The following TLN1 variants were observed in gnomAD, a reference collection of about 807,000 sequenced individuals.
The protein encoded by TLN1 is talin-1.
In TLN1, 56 loss-of-function variants were observed where a neutral mutation model predicts 292.3. The observed-to-expected ratio is 0.19, with a 90% CI of 0.15 to 0.24. The LOEUF (loss-of-function observed/expected upper bound fraction) is 0.24. Ranked by LOEUF, TLN1 falls within the 10% of genes least tolerant of loss-of-function variation. The probability of loss-of-function intolerance (pLI) is 1.00; values close to 1 mark genes in which losing one functional copy is unlikely to be tolerated. For missense variants in TLN1, 2,433 were observed against 3,248.2 expected (o/e 0.75, Z 6.10); for synonymous variants, 1,119 against 1,253.7 (o/e 0.89, Z 2.27).
chr9:35,718,965 G>A, intron 16 of TLN1, 55 bp from the exon 17 acceptor site: 6 of 1,600,650 alleles, frequency 3.7e-6, no homozygotes, highest in South Asian at 2.2e-5. Context: ...ACATGCCTGT[G>A]CATATCACAG....
rs774386924 is a variant in TLN1, at chr9:35,707,917, C to T, written c.4471-25G>A. ...CCTGAGGAGACACATGGAAGAGCCACGATGAGGGCAGGAAGGAGGTGTACA... is the reference window on the plus strand; with the variant it reads ...CCTGAGGAGACACATGGAAGAGCCATGATGAGGGCAGGAAGGAGGTGTACA... On this transcript the variant is annotated intron_variant, in intron 34 of 56. Transcript: ENST00000314888. This position sits in a 1 kb window ranked among gnomAD's most constrained non-coding sequence, Gnocchi z 5.6. 4.0e-5 allele frequency: 64 copies of T among 1,611,044 alleles called. No homozygotes were observed. The highest frequency in any genetic ancestry group is 4.8e-5 in the Non-Finnish European group (57 of 1,178,096).
In TLN1 at chr9:35,719,241, C is replaced by A; in HGVS notation, c.1729G>T (p.Val577Phe). The A allele has an allele frequency of 6.2e-7, 1 of 1,614,218 alleles. No homozygotes were observed. The highest frequency in any genetic ancestry group is 8.5e-7 in the Non-Finnish European group (1 of 1,180,028). ...GTCAGGTTGGAGGAGATTGTGGTGACTGCACAGCCCACTGCGGTATAGTCT... is the reference window on the plus strand; with the variant it reads ...GTCAGGTTGGAGGAGATTGTGGTGAATGCACAGCCCACTGCGGTATAGTCT... ...ETDYTAVGCAVTTISSNLTEM... is the reference protein window; with the variant it reads ...ETDYTAVGCAFTTISSNLTEM... The change falls in exon 16 of 57, where the codon GTC becomes TTC. Residue 577 changes from valine to phenylalanine, a missense_variant. Around this residue, in one of 7 missense-constraint regions of TLN1, gnomAD observed 617 missense variants for 770.6 expected, o/e 0.80. Transcript: ENST00000314888. This position sits in a 1 kb window ranked among gnomAD's most constrained non-coding sequence, Gnocchi z 4.6.
intron 33 of TLN1, among the ~76,000 whole-genome samples, chr9:35,709,055 C>T (rs981104277): frequency 3.3e-5 from 5 of 152,178 alleles, no homozygotes; most frequent in African/African-American, 1.2e-4. Context: ...TTTGCTTTTT[C>T]CTCTATGCAT....
intron 8 of TLN1, 62 bp downstream of exon 8, chr9:35,722,799 C>T: frequency 6.4e-7 from 1 of 1,562,770 alleles, no homozygotes; most frequent in Non-Finnish European, 8.8e-7. Context: ...GCCATTTAGT[C>T]AGTAAGATTA....
chr9:35,721,830 T>C (rs1825883533), intron 9 of TLN1, 27 bp from the exon 10 acceptor site: 1 of 1,603,062 alleles, frequency 6.2e-7, no homozygotes, highest in African/African-American at 1.3e-5. Flanking sequence ...GGTGTTGGTG[T>C]TACAGGTCAG....
intron 28 of TLN1, 40 bp downstream of exon 28, chr9:35,711,965 T>G: frequency 6.2e-7 from 1 of 1,608,432 alleles, no homozygotes. Flanking sequence ...CCTGGCATTC[T>G]TTGACTCCTA....
At position 35,724,691 on chromosome 9, in the gene TLN1, C is replaced by T; in HGVS notation, c.392G>A (p.Arg131Gln). ...CTCCTTTTTCTCTTCCATCAGCTCT[C>T]GAACCAATGAATATTCATCATGATT... ...ITNHDEYSLV[R>Q]ELMEEKKEEI... The change falls in exon 5 of 57, where the codon CGA becomes CAA. Residue 131 changes from arginine (R) to glutamine (Q), a missense_variant. Physicochemically the swap from Arg to Gln is conservative, Grantham distance 43 (BLOSUM62 1). Around this residue, in one of 7 missense-constraint regions of TLN1, gnomAD observed 155 missense variants for 287.9 expected, o/e 0.54. Transcript: ENST00000314888. This position sits in a 1 kb window ranked among gnomAD's most constrained non-coding sequence, Gnocchi z 4.7. 7 of 1,614,170 alleles carry T rather than the reference C, an allele frequency of 4.3e-6. No homozygotes were observed. The highest frequency in any genetic ancestry group is 5.9e-6 in the Non-Finnish European group (7 of 1,180,048).
At chr9:35,721,431 G>A (rs1053249813) in intron 10 of TLN1, among the ~76,000 whole-genome samples, 2 of 152,180 alleles carry the variant, frequency 1.3e-5, no homozygotes, top group Non-Finnish European at 2.9e-5. Context: ...TCAGCTTGCT[G>A]ATGAGATTTT....
chr9:35,723,026 A>C (rs1277560624), intron 7 of TLN1, 105 bp from the exon 8 acceptor site: 2 of 934,042 alleles, frequency 2.1e-6, no homozygotes, highest in Non-Finnish European at 3.4e-6. Context: ...GGACAGTGTT[A>C]TCTTTGGGGA....
intron 1 of TLN1, among the ~76,000 whole-genome samples, chr9:35,729,346 C>T (rs1374814876): frequency 2.6e-5 from 4 of 152,154 alleles, no homozygotes; most frequent in African/African-American, 4.8e-5. Flanking sequence ...AGCAGTAAAT[C>T]GTGGAGGAGC....
At chr9:35,709,911 A>AAAG (rs1825632666) in intron 33 of TLN1, among the ~76,000 whole-genome samples, 1 of 134,794 alleles carries the variant, frequency 7.4e-6, no homozygotes, top group African/African-American at 2.8e-5. Context: ...AAAAAAAAAA[A>AAAG]AAAGAAAGTA....
intron 33 of TLN1, among the ~76,000 whole-genome samples, chr9:35,710,064 A>T (rs1315361482): frequency 1.4e-5 from 2 of 144,774 alleles, no homozygotes; most frequent in South Asian, 2.2e-4. Context: ...AAAAAAAAAA[A>T]TACAAAAAAT....
chr9:35,700,222 C>T lies in TLN1; in HGVS notation c.6629G>A (p.Arg2210His), dbSNP rs369648672. Residue 2210 changes from arginine to histidine, a missense_variant, in exon 49 of 57, where the codon CGT (arginine) becomes CAT (histidine). Around this residue, in one of 7 missense-constraint regions of TLN1, gnomAD observed 1,384 missense variants for 1,699.6 expected, o/e 0.81. Transcript: ENST00000314888. ...AGCCCGAAGCATATCTGCAATAGCACGGCGGCTCAGATTGGCTGTGGCAAT... is the reference window on the plus strand; with the variant it reads ...AGCCCGAAGCATATCTGCAATAGCATGGCGGCTCAGATTGGCTGTGGCAAT... ...DVIATANLSR[R>H]AIADMLRACK... 24 of 1,610,772 alleles carry T rather than the reference C, an allele frequency of 1.5e-5. No homozygotes were observed. The highest frequency in any genetic ancestry group is 5.5e-5 in the South Asian group (5 of 91,030).
chr9:35,716,769 G>A (rs1043599450), intron 19 of TLN1, among the ~76,000 whole-genome samples: 9 of 152,268 alleles, frequency 5.9e-5, no homozygotes, highest in Admixed American at 2.6e-4. Context: ...GGGTTCTTAC[G>A]GGAGAAGGAC....
Position 35,697,758 on chromosome 9 carries a change from G to A in TLN1, c.*33C>T. ...TTTGGTAGTGGCACGCACAGTCTCT[G>A]GGCCGGGTCTGCATTAAATAGAAGA... is the stretch of plus-strand genomic sequence containing the variant. On this transcript the variant is annotated 3_prime_UTR_variant, in exon 57 of 57. Coordinates refer to ENST00000314888, the MANE Select transcript of TLN1 (RefSeq NM_006289.4). 1 of 1,611,798 alleles carries A rather than the reference G, an allele frequency of 6.2e-7. No homozygotes were observed. Among genetic ancestry groups the A allele is most frequent in the South Asian group, 1.1e-5 (1 of 90,942 alleles).
chr9:35,715,545 C>T (rs539291431), intron 20 of TLN1, among the ~76,000 whole-genome samples: 33 of 152,354 alleles, frequency 2.2e-4, no homozygotes, highest in African/African-American at 7.5e-4. Flanking sequence ...CTGCTTACTC[C>T]TGCCAACTGA....
rs768245253 is a variant in TLN1, at chr9:35,706,788, G to A, written c.5068C>T (p.Arg1690Cys). 7.4e-6 allele frequency: 12 copies of A among 1,613,812 alleles called. No individual in the cohort carries two copies. The highest frequency in any genetic ancestry group is 3.3e-5 in the South Asian group (3 of 91,058). Residue 1690 changes from arginine (R) to cysteine (C), a missense_variant, in exon 38 of 57, where the codon CGT becomes TGT. Physicochemically the swap from Arg to Cys is radical, Grantham distance 180. Around this residue, in one of 7 missense-constraint regions of TLN1, gnomAD observed 1,384 missense variants for 1,699.6 expected, o/e 0.81. Transcript: ENST00000314888. This position sits in a 1 kb window ranked among gnomAD's most constrained non-coding sequence, Gnocchi z 4.2. ...CTCACCTCTTGAGAGATTCCCTCACGGGGAGCAAGCTGCTGGCTGACTGCA... is the reference window on the plus strand; with the variant it reads ...CTCACCTCTTGAGAGATTCCCTCACAGGGAGCAAGCTGCTGGCTGACTGCA... ...LAAVSQQLAPREGISQEALHT... is the reference protein window; with the variant it reads ...LAAVSQQLAPCEGISQEALHT...
In TLN1 at chr9:35,725,702, GCTT is replaced by G. The variant is rs763944773; in HGVS notation, c.-11_-9del. On this transcript the variant is annotated 5_prime_UTR_variant, in exon 2 of 57. Transcript: ENST00000314888. ...CAGTGAAAGTGCAACCATGGTGGCA[GCTT>G]CTTTTCTCCAGCCTGGCTATACCTG... 9.3e-6 allele frequency: 15 copies of G among 1,613,208 alleles called. No individual in the cohort carries two copies. Among genetic ancestry groups the G allele is most frequent in the African/African-American group, 5.3e-5 (4 of 74,870 alleles).
Position 35,699,913 on chromosome 9 carries a change from C to A in TLN1, c.6768+61G>T. On this transcript the variant is annotated intron_variant, in intron 50 of 56. Coordinates refer to ENST00000314888, the MANE Select transcript of TLN1 (RefSeq NM_006289.4). The surrounding 1 kb of genome is among the most constrained non-coding windows in gnomAD (Gnocchi z 4.0). ...AACAGACAGCAGGGTGCGAGGCCTG[C>A]AGGAAGAGGGCTGTGTATTCAGGGA... 1 of 1,514,842 alleles carries A rather than the reference C, an allele frequency of 6.6e-7. No individual in the cohort carries two copies. The highest frequency in any genetic ancestry group is 9.0e-7 in the Non-Finnish European group (1 of 1,108,784). The allele number at this position is 1,514,842 out of a possible 1,614,324, so 93.8% of individuals were successfully genotyped here. A position where few individuals can be genotyped will look rare whatever the true frequency, so the allele number is the denominator to read the frequency against.
Sources: gnomAD v4.1 joint callset for allele counts (sites outside exome capture counted in the v4.1 genomes callset) on GRCh38, gnomAD v4.1.1 for gene constraint, gnomAD v4.1.1 regional missense constraint, Gnocchi (gnomAD v3.1) non-coding constraint, MANE v1.5 for transcripts, NCBI Gene and HGNC (gene_info 2026-07-23, HGNC 2026-07-21) for gene names.